ADGRB3: variants seen among roughly 807,000 people sequenced by gnomAD.
ADGRB3 encodes the protein adhesion G protein-coupled receptor B3.
Under a neutral mutation model 193.4 loss-of-function variants are expected in ADGRB3, and 37 were observed. The observed-to-expected ratio is 0.19, with a 90% CI of 0.15 to 0.25. The LOEUF (loss-of-function observed/expected upper bound fraction) is 0.25. Ranked by LOEUF, ADGRB3 falls within the 10% of genes least tolerant of loss-of-function variation. ADGRB3 has a pLI of 1.00. For missense variants in ADGRB3, 1,637 were observed against 1,852.9 expected (o/e 0.88, Z 2.14); for synonymous variants, 690 against 644.2 (o/e 1.07, Z -1.08).
intron 11 of ADGRB3, among the ~76,000 whole-genome samples, chr6:68,997,192 A>C (rs1167219621): frequency 6.6e-6 from 1 of 152,194 alleles, no homozygotes; most frequent in Non-Finnish European, 1.5e-5. Flanking sequence ...AAAAGTTTGG[A>C]TATCTGGTTA....
At chr6:68,773,114 T>TAAAA (rs1766671941) in intron 3 of ADGRB3, among the ~76,000 whole-genome samples, 1 of 151,432 alleles carries the variant, frequency 6.6e-6, no homozygotes, top group African/African-American at 2.4e-5. Flanking sequence ...GGATCTGTCT[T>TAAAA]AAACAAACAA....
At chr6:69,364,754 A>T (rs1289063240) in intron 29 of ADGRB3, among the ~76,000 whole-genome samples, 1 of 152,244 alleles carries the variant, frequency 6.6e-6, no homozygotes, top group Admixed American at 6.5e-5. Context: ...GGTTAAGAAG[A>T]ATGATATTGT....
At chr6:69,146,769 T>C (rs563562830) in intron 17 of ADGRB3, among the ~76,000 whole-genome samples, 1 of 151,262 alleles carries the variant, frequency 6.6e-6, no homozygotes, top group Non-Finnish European at 1.5e-5. Context: ...TGTCAAGTCC[T>C]GGGCTTTTTA....
chr6:69,331,480 T>G, intron 23 of ADGRB3: 1 of 954,522 alleles, frequency 1.0e-6, no homozygotes, highest in Non-Finnish European at 1.2e-6. Context: ...TTCAAAAAAT[T>G]GGAAGGTAGT....
intron 20 of ADGRB3, among the ~76,000 whole-genome samples, chr6:69,257,962 T>C (rs1022312854): frequency 1.3e-5 from 2 of 152,178 alleles, no homozygotes; most frequent in African/African-American, 4.8e-5. Context: ...TAGTGGAGAT[T>C]GTTGGAGTGT....
chr6:69,382,392 C>T (rs530869277), intron 30 of ADGRB3, among the ~76,000 whole-genome samples: 2 of 151,962 alleles, frequency 1.3e-5, no homozygotes, highest in East Asian at 3.9e-4. Flanking sequence ...TTAGTACAGC[C>T]AGCTAGGATT....
chr6:69,220,426 C>T (rs557890494), intron 17 of ADGRB3, among the ~76,000 whole-genome samples: 22 of 152,204 alleles, frequency 1.4e-4, no homozygotes, highest in South Asian at 2.1e-4. Context: ...GACTGTTATG[C>T]GTACAGTTTC....
intron 3 of ADGRB3, among the ~76,000 whole-genome samples, chr6:68,765,929 A>T (rs1007905228): frequency 1.2e-4 from 19 of 152,012 alleles, no homozygotes; most frequent in Non-Finnish European, 2.5e-4. Context: ...TGTCTGAAAA[A>T]AATGTTTTAT....
intron 26 of ADGRB3, among the ~76,000 whole-genome samples, chr6:69,353,095 C>T (rs189366485): frequency 3.1e-4 from 47 of 152,254 alleles, no homozygotes; most frequent in African/African-American, 1.1e-3. Context: ...TCGTGGGGAG[C>T]TTGATGAACC....
intron 6 of ADGRB3, among the ~76,000 whole-genome samples, chr6:68,950,574 G>A (rs1767888286): frequency 6.6e-6 from 1 of 152,076 alleles, no homozygotes; most frequent in Non-Finnish European, 1.5e-5. Flanking sequence ...AAGGGCTATA[G>A]ACACCCAGAT....
chr6:68,779,443 C>G (rs1211110452), intron 3 of ADGRB3, among the ~76,000 whole-genome samples: 2 of 151,930 alleles, frequency 1.3e-5, no homozygotes, highest in Non-Finnish European at 2.9e-5. Flanking sequence ...CACTGAAGAT[C>G]TGGAAGCCCT....
intron 3 of ADGRB3, among the ~76,000 whole-genome samples, chr6:68,775,929 CTACAT>C (rs1766738236): frequency 6.6e-6 from 1 of 152,104 alleles, no homozygotes; most frequent in Admixed American, 6.6e-5. Context: ...TAATTAAATA[CTACAT>C]TGTGTTTTTG....
At chr6:69,363,968 T>G (rs543114436) in intron 29 of ADGRB3, among the ~76,000 whole-genome samples, 1 of 151,962 alleles carries the variant, frequency 6.6e-6, no homozygotes, top group East Asian at 1.9e-4. Context: ...GTGTTTTGAG[T>G]CTTAGAAGAT....
At chr6:69,097,113 T>C (rs1772902483) in intron 17 of ADGRB3, among the ~76,000 whole-genome samples, 1 of 152,236 alleles carries the variant, frequency 6.6e-6, no homozygotes, top group South Asian at 2.1e-4. Flanking sequence ...TACTACAGTC[T>C]GTTTCATTTT....
At chr6:68,867,485 A>G (rs762846086) in intron 3 of ADGRB3, among the ~76,000 whole-genome samples, 8 of 152,200 alleles carry the variant, frequency 5.3e-5, no homozygotes, top group Non-Finnish European at 1.2e-4. Context: ...TACTAGGGCA[A>G]TGTAGAGAGG....
At chr6:68,839,986 C>T (rs1234572743) in intron 3 of ADGRB3, among the ~76,000 whole-genome samples, 1 of 152,112 alleles carries the variant, frequency 6.6e-6, no homozygotes, top group African/African-American at 2.4e-5. Context: ...CAGAAATTGG[C>T]AGGTGCCCAT....
At chr6:69,077,682 A>G (rs957405851) in intron 17 of ADGRB3, among the ~76,000 whole-genome samples, 2 of 152,012 alleles carry the variant, frequency 1.3e-5, no homozygotes, top group Non-Finnish European at 2.9e-5. Flanking sequence ...ACACCTCCCT[A>G]ACATCTGCTG....
At chr6:69,304,461 A>G (rs1768021750) in intron 20 of ADGRB3, among the ~76,000 whole-genome samples, 1 of 151,672 alleles carries the variant, frequency 6.6e-6, no homozygotes, top group South Asian at 2.1e-4. Flanking sequence ...AGAATATAGT[A>G]AAATTAGAAT....
At chr6:68,846,768 G>T (rs1768284518) in intron 3 of ADGRB3, among the ~76,000 whole-genome samples, 2 of 152,210 alleles carry the variant, frequency 1.3e-5, no homozygotes, top group Non-Finnish European at 1.5e-5. Context: ...GAGAACCTCT[G>T]CTAGGACAAT....
Sources: gnomAD v4.1 joint callset for allele counts (sites outside exome capture counted in the v4.1 genomes callset) on GRCh38, gnomAD v4.1.1 for gene constraint, MANE v1.5 for transcripts, NCBI Gene and HGNC (gene_info 2026-07-23, HGNC 2026-07-21) for gene names.